SHISA9: variants seen among roughly 807,000 people sequenced by gnomAD.
SHISA9 encodes the protein protein shisa-9.
SHISA9 carries 13 observed loss-of-function variants against 38.0 expected under a neutral mutation model. The observed-to-expected ratio is 0.34, with a 90% CI of 0.22 to 0.54. SHISA9 has a LOEUF of 0.54. Ranked by LOEUF, SHISA9 falls within the 20% of genes least tolerant of loss-of-function variation. SHISA9 has a pLI of 0.91. For missense variants in SHISA9, 538 were observed against 575.8 expected (o/e 0.93, Z 0.67); for synonymous variants, 275 against 242.0 (o/e 1.14, Z -1.27).
the SHISA9 span, among the ~76,000 whole-genome samples, chr16:13,513,422 C>T: frequency 1.3e-5 from 2 of 152,208 alleles, no homozygotes; most frequent in African/African-American, 4.8e-5. Flanking sequence ...TTGTCAAAGA[C>T]AGCGCAGCAA....
chr16:13,365,614 G>A, the SHISA9 span, among the ~76,000 whole-genome samples: 2 of 151,802 alleles, frequency 1.3e-5, no homozygotes, highest in African/African-American at 2.4e-5. Flanking sequence ...GTACCACCAC[G>A]CCTGGCTAAT....
the SHISA9 span, among the ~76,000 whole-genome samples, chr16:13,472,377 A>ATTTTTTTTTTT: frequency 2.0e-4 from 11 of 55,472 alleles, 1 homozygote; most frequent in Admixed American, 9.5e-4. Flanking sequence ...GCTCTGCTAA[A>ATTTTTTTTTTT]TTTTTTTTTT....
At chr16:13,393,258 C>T in the SHISA9 span, among the ~76,000 whole-genome samples, 1 of 152,116 alleles carries the variant, frequency 6.6e-6, no homozygotes, top group Admixed American at 6.6e-5. Flanking sequence ...CACACAGGGC[C>T]CACTCCTATT....
the SHISA9 span, among the ~76,000 whole-genome samples, chr16:13,541,938 A>T: frequency 6.6e-6 from 1 of 152,230 alleles, no homozygotes; most frequent in Non-Finnish European, 1.5e-5. Context: ...AAGACCTCAG[A>T]ATGTGTCCTT....
At chr16:12,932,169 T>G (rs1278879196) in intron 2 of SHISA9, among the ~76,000 whole-genome samples, 1 of 152,202 alleles carries the variant, frequency 6.6e-6, no homozygotes, top group Non-Finnish European at 1.5e-5. Flanking sequence ...TAAGCCTTTT[T>G]TTCTTTATAA....
At chr16:13,351,973 C>G in the SHISA9 span, among the ~76,000 whole-genome samples, 27 of 152,142 alleles carry the variant, frequency 1.8e-4, no homozygotes, top group Non-Finnish European at 3.5e-4. Flanking sequence ...GAGCATCAGC[C>G]AAGGTCCTTC....
At position 13,186,774 on chromosome 16, in the gene SHISA9, G is replaced by A. The variant is rs554695364; in HGVS notation, c.692-16620G>A. ...TAACCATTCTACTTTCCATCTCTAT[G>A]AATTTGACTACTCCAGGGACCTCAC... On this transcript the variant is annotated intron_variant, in intron 2 of 4. Transcript: ENST00000558583. 6.6e-5 allele frequency among the ~76,000 whole-genome samples: 10 copies of A among 152,182 alleles called. No individual in the cohort carries two copies. The South Asian group carries it at 1.9e-3, about 28-fold the overall frequency.
At chr16:12,954,780 A>G (rs895058094) in intron 2 of SHISA9, among the ~76,000 whole-genome samples, 2 of 152,228 alleles carry the variant, frequency 1.3e-5, no homozygotes, top group African/African-American at 2.4e-5. Context: ...ACAGCCATTA[A>G]CCAGTGAAAC....
the SHISA9 span, among the ~76,000 whole-genome samples, chr16:13,359,562 G>A: frequency 6.6e-6 from 1 of 152,160 alleles, no homozygotes; most frequent in African/African-American, 2.4e-5. Flanking sequence ...TGGTAGGTGG[G>A]AAAGTTGTGT....
At chr16:13,510,791 GT>G in the SHISA9 span, among the ~76,000 whole-genome samples, 20,509 of 148,660 alleles carry the variant, frequency 0.14, 1,724 homozygotes, top group African/African-American at 0.24. Context: ...AATTTTCTGG[GT>G]TTTTTTTTTG....
chr16:13,064,027 A>T (rs2073406243), intron 2 of SHISA9, among the ~76,000 whole-genome samples: 1 of 152,024 alleles, frequency 6.6e-6, no homozygotes, highest in Non-Finnish European at 1.5e-5. Flanking sequence ...TTCTGTTGTC[A>T]CTCAGTGTTT....
At chr16:13,419,279 AAG>A in the SHISA9 span, among the ~76,000 whole-genome samples, 2 of 152,234 alleles carry the variant, frequency 1.3e-5, no homozygotes, top group African/African-American at 4.8e-5. Context: ...AGCTCCAAGA[AAG>A]AAGACATTCT....
the SHISA9 span, among the ~76,000 whole-genome samples, chr16:13,474,034 CAAG>C: frequency 2.0e-5 from 3 of 152,142 alleles, no homozygotes; most frequent in Non-Finnish European, 4.4e-5. Context: ...GAAGCCCTAA[CAAG>C]AAGGATGAAG....
the SHISA9 span, among the ~76,000 whole-genome samples, chr16:13,458,024 C>A: frequency 6.6e-6 from 1 of 151,344 alleles, no homozygotes; most frequent in Non-Finnish European, 1.5e-5. Flanking sequence ...ATGACAATGT[C>A]TGACATGGAC....
chr16:13,336,013 G>A, the SHISA9 span, among the ~76,000 whole-genome samples: 1 of 152,216 alleles, frequency 6.6e-6, no homozygotes, highest in African/African-American at 2.4e-5. Context: ...CCCTAGAACA[G>A]TCACCATATG....
chr16:13,046,156 GTGAC>G (rs59398537), intron 2 of SHISA9, among the ~76,000 whole-genome samples: 93,952 of 151,558 alleles, frequency 0.62, 29,775 homozygotes, highest in Middle Eastern at 0.74. Context: ...GTTTTCCTCT[GTGAC>G]TGACTGTGTA....
At chr16:13,442,030 C>T in the SHISA9 span, among the ~76,000 whole-genome samples, 16 of 152,232 alleles carry the variant, frequency 1.1e-4, no homozygotes, top group Admixed American at 7.8e-4. Flanking sequence ...GATGGAGCTT[C>T]TTAGATCTGA....
chr16:13,269,997 A>G, the SHISA9 span, among the ~76,000 whole-genome samples: 1 of 152,180 alleles, frequency 6.6e-6, no homozygotes, highest in Admixed American at 6.5e-5. Context: ...AATGAGACCC[A>G]GAGAGCCTGA....
intron 2 of SHISA9, among the ~76,000 whole-genome samples, chr16:13,084,041 TGAG>T (rs2073683705): frequency 1.3e-5 from 2 of 152,026 alleles, no homozygotes; most frequent in East Asian, 3.9e-4. Flanking sequence ...AGAGAAGAAA[TGAG>T]GAGGCAAATT....
Sources: gnomAD v4.1 joint callset for allele counts (sites outside exome capture counted in the v4.1 genomes callset) on GRCh38, gnomAD v4.1.1 for gene constraint, MANE v1.5 for transcripts, NCBI Gene and HGNC (gene_info 2026-07-23, HGNC 2026-07-21) for gene names.